Variants in CNBD1 observed in about 807,000 individuals in gnomAD.
CNBD1 encodes the protein cyclic nucleotide binding domain containing 1.
CNBD1 carries 71 observed loss-of-function variants against 54.4 expected under a neutral mutation model. The ratio of observed to expected loss-of-function variants is 1.30; its 90% CI spans 1.08 to 1.59. CNBD1 has a LOEUF of 1.59. Among genes scored for constraint, CNBD1 ranks in the 40% most tolerant of loss-of-function variants. The pLI, the probability that CNBD1 is intolerant of heterozygous loss-of-function variation, is 0.00. For synonymous variants in CNBD1, 182 were observed against 170.7 expected (o/e 1.07, Z -0.51); for missense variants, 659 against 518.0 (o/e 1.27, Z -2.64).
chr8:87,123,958 A>G (rs1474122595), intron 4 of CNBD1, among the ~76,000 whole-genome samples: 1 of 151,738 alleles, frequency 6.6e-6, no homozygotes, highest in Non-Finnish European at 1.5e-5. Flanking sequence ...ATCTGAGAAC[A>G]ATGTAAAATA....
chr8:87,231,085 A>G (rs1045157730), intron 5 of CNBD1, among the ~76,000 whole-genome samples: 2 of 152,190 alleles, frequency 1.3e-5, no homozygotes, highest in East Asian at 1.9e-4. Context: ...GAGGTGCCAC[A>G]TAAGTCATTC....
In CNBD1 at chr8:87,296,680, A is replaced by G. The variant is rs576817790; in HGVS notation, c.1042+10009A>G. 7.9e-5 allele frequency among the ~76,000 whole-genome samples: 12 copies of G among 151,882 alleles called. No individual in the cohort carries two copies. In the East Asian group the frequency reaches 2.1e-3, roughly 27 times the overall value. On this transcript the variant is annotated intron_variant, in intron 8 of 10. Transcript: ENST00000518476. ...ATAATTTGGTAATGCTGTCGTGACC[A>G]ATGACCACTGAATTCATTTCCTTTG...
At chr8:87,124,308 T>C (rs144415568) in intron 4 of CNBD1, among the ~76,000 whole-genome samples, 375 of 151,764 alleles carry the variant, frequency 2.5e-3, no homozygotes, top group Middle Eastern at 6.8e-3. Context: ...TCCAGACATA[T>C]GTTAGGTTGC....
chr8:87,066,166 A>G (rs1014534442), intron 4 of CNBD1, among the ~76,000 whole-genome samples: 2 of 152,024 alleles, frequency 1.3e-5, no homozygotes, highest in Admixed American at 6.6e-5. Flanking sequence ...CAGTGTATCA[A>G]TGTATAATTT....
chr8:86,899,929 CT>C (rs568836966), intron 2 of CNBD1, among the ~76,000 whole-genome samples: 210 of 152,246 alleles, frequency 1.4e-3, no homozygotes, highest in African/African-American at 4.9e-3. Context: ...ACCCATGCTC[CT>C]TCGTATCAGT....
At chr8:87,283,696 T>G (rs1357523459) in intron 6 of CNBD1, among the ~76,000 whole-genome samples, 2 of 152,128 alleles carry the variant, frequency 1.3e-5, no homozygotes, top group African/African-American at 4.8e-5. Context: ...TAGTTCTTCC[T>G]GTCCCCACTT....
chr8:87,337,255 G>A (rs1047042021), intron 8 of CNBD1, among the ~76,000 whole-genome samples: 1 of 152,116 alleles, frequency 6.6e-6, no homozygotes, highest in Non-Finnish European at 1.5e-5. Context: ...GTGCTGGGGG[G>A]AAACACACTC....
downstream of CNBD1, among the ~76,000 whole-genome samples, chr8:87,383,761 G>A (rs568126909): frequency 6.6e-5 from 10 of 152,188 alleles, no homozygotes; most frequent in South Asian, 1.0e-3. Context: ...ATAGCACCAA[G>A]TTGTATTAAC....
At chr8:86,929,027 A>G (rs1188607624) in intron 3 of CNBD1, among the ~76,000 whole-genome samples, 1 of 152,134 alleles carries the variant, frequency 6.6e-6, no homozygotes, top group Non-Finnish European at 1.5e-5. Flanking sequence ...TCTCTTGGAG[A>G]GGGTTGTTCC....
At chr8:87,240,163 A>G (rs1807666319) in intron 6 of CNBD1, among the ~76,000 whole-genome samples, 1 of 151,788 alleles carries the variant, frequency 6.6e-6, no homozygotes, top group Non-Finnish European at 1.5e-5. Flanking sequence ...AACATATATT[A>G]CTATCTGCAG....
intron 2 of CNBD1, among the ~76,000 whole-genome samples, chr8:87,402,962 G>T (rs1054328994): frequency 2.0e-5 from 3 of 151,980 alleles, no homozygotes; most frequent in African/African-American, 7.2e-5. Context: ...TCATACAATT[G>T]TGTTATCTCT....
At chr8:87,033,213 A>C (rs576855823) in intron 4 of CNBD1, among the ~76,000 whole-genome samples, 2 of 152,274 alleles carry the variant, frequency 1.3e-5, no homozygotes, top group African/African-American at 4.8e-5. Flanking sequence ...ACAATTTCTT[A>C]CGCAGAGTAC....
downstream of CNBD1, among the ~76,000 whole-genome samples, chr8:87,386,263 G>A (rs1403681463): frequency 1.3e-5 from 2 of 152,188 alleles, no homozygotes; most frequent in Admixed American, 1.3e-4. Context: ...GCTGGAATGA[G>A]AATGACTTTA....
chr8:86,994,450 G>A (rs1029979550), intron 4 of CNBD1, among the ~76,000 whole-genome samples: 1 of 152,222 alleles, frequency 6.6e-6, no homozygotes, highest in Non-Finnish European at 1.5e-5. Context: ...GCTAATTGGA[G>A]AGAGATGTGG....
In CNBD1 at chr8:87,146,711, T is replaced by C. The variant is rs953179909; in HGVS notation, c.432-59282T>C. Among the ~76,000 whole-genome samples the C allele has an allele frequency of 2.6e-5, 4 of 152,142 alleles. No homozygotes were observed. The East Asian group carries it at 7.7e-4, about 29-fold the overall frequency. The stretch of plus-strand genomic sequence containing the variant: ...CCACATTAGCAAGTCCTATTAAGTA[T>C]GCATTCAAACAAACAATGTCTTGAA... On this transcript the variant is annotated intron_variant, in intron 4 of 10. Coordinates refer to ENST00000518476, the MANE Select transcript of CNBD1 (RefSeq NM_173538.3).
rs183760584 is a variant in CNBD1, at chr8:87,283,670, C to T, written c.772-1008C>T. Among the ~76,000 whole-genome samples the T allele has an allele frequency of 5.4e-4, 82 of 152,142 alleles. 1 individual carries two copies. Among genetic ancestry groups the T allele is most frequent in the Non-Finnish European group, 2.1e-4 (14 of 67,994 alleles). On this transcript the variant is annotated intron_variant, in intron 6 of 10. Transcript: ENST00000518476. ...AGATAGCCAGCTTCTATGTGGCTTT[C>T]GTAAAGTACTGGATGTAGTTCTTCC... is the stretch of plus-strand genomic sequence containing the variant.
Position 87,290,936 on chromosome 8 carries a change from G to C in CNBD1, c.1042+4265G>C, listed in dbSNP as rs112512434. Among the ~76,000 whole-genome samples, 9 of 152,116 alleles carry C rather than the reference G, an allele frequency of 5.9e-5. 1 individual carries two copies. Among genetic ancestry groups the C allele is most frequent in the African/African-American group, 2.2e-4 (9 of 41,526 alleles). On this transcript the variant is annotated intron_variant, in intron 8 of 10. Transcript: ENST00000518476. The stretch of plus-strand genomic sequence containing the variant: ...AAAGAAGTTTTACCATAATGTGTCT[G>C]TTTGCTTATTTTCTTACCTAGTACT...
chr8:87,197,930 A>G (rs1813755483), intron 4 of CNBD1, among the ~76,000 whole-genome samples: 1 of 152,148 alleles, frequency 6.6e-6, no homozygotes, highest in African/African-American at 2.4e-5. Flanking sequence ...AATTGTAGGT[A>G]TTGCTGTAGA....
intron 8 of CNBD1, among the ~76,000 whole-genome samples, chr8:87,338,643 G>A (rs1019847488): frequency 6.8e-6 from 1 of 147,558 alleles, no homozygotes; most frequent in African/African-American, 2.5e-5. Flanking sequence ...AGTTTGAAAA[G>A]TATATAGTTA....
Sources: allele counts gnomAD v4.1 joint callset (sites outside exome capture counted in the v4.1 genomes callset), GRCh38; gene constraint gnomAD v4.1.1; transcripts MANE v1.5; gene names NCBI Gene and HGNC (gene_info 2026-07-23, HGNC 2026-07-21).